Variants in SHC3 observed in about 807,000 individuals in gnomAD.
SHC3 encodes SHC-transforming protein 3.
SHC3 carries 15 observed loss-of-function variants against 60.4 expected under a neutral mutation model. That is an observed-to-expected ratio of 0.25 (90% CI 0.17 to 0.38). The LOEUF is 0.38. SHC3 is among the 10% of genes least tolerant of loss of function. The probability of loss-of-function intolerance (pLI) is 1.00; values close to 1 mark genes in which losing one functional copy is unlikely to be tolerated. For missense variants in SHC3, 677 were observed against 786.1 expected (o/e 0.86, Z 1.66); for synonymous variants, 294 against 325.9 (o/e 0.90, Z 1.05).
At chr9:89,019,037 C>T (rs1367445211) in intron 11 of SHC3, among the ~76,000 whole-genome samples, 11 of 147,008 alleles carry the variant, frequency 7.5e-5, no homozygotes, top group East Asian at 6.0e-4. Context: ...CCAGCCTGAG[C>T]GACAGAGCAA....
intron 2 of SHC3, among the ~76,000 whole-genome samples, chr9:89,094,550 CTAAG>C (rs1378522951): frequency 2.0e-5 from 3 of 152,196 alleles, no homozygotes; most frequent in African/African-American, 7.2e-5. Context: ...AGAGTGTTTA[CTAAG>C]TGTCTGGCCC....
intron 3 of SHC3, 122 bp downstream of exon 3, chr9:89,077,718 A>G: frequency 8.5e-7 from 1 of 1,180,556 alleles, no homozygotes; most frequent in Non-Finnish European, 1.2e-6. Context: ...TGCTTTTAGA[A>G]GTAGCAAGCG....
intron 1 of SHC3, among the ~76,000 whole-genome samples, chr9:89,177,392 GA>G (rs1398025870): frequency 6.6e-6 from 1 of 152,192 alleles, no homozygotes; most frequent in Non-Finnish European, 1.5e-5. Context: ...CTGTAAACCA[GA>G]ACCTTTCCTT....
chr9:89,116,239 G>A (rs929850168), intron 1 of SHC3, among the ~76,000 whole-genome samples: 1 of 152,186 alleles, frequency 6.6e-6, no homozygotes, highest in African/African-American at 2.4e-5. Context: ...ACGTCACCAT[G>A]TTATGAGACT....
At chr9:89,177,602 G>T (rs1272202580) in intron 1 of SHC3, among the ~76,000 whole-genome samples, 6 of 152,174 alleles carry the variant, frequency 3.9e-5, no homozygotes, top group African/African-American at 1.4e-4. Context: ...CTCCTCCCGG[G>T]GGCTGCCCAG....
At chr9:89,164,563 T>C (rs1031406684) in intron 1 of SHC3, among the ~76,000 whole-genome samples, 2 of 151,918 alleles carry the variant, frequency 1.3e-5, no homozygotes, top group African/African-American at 2.4e-5. Context: ...TAATAAGGAA[T>C]TTGGATTGAA....
chr9:89,092,202 T>C (rs771947863), intron 2 of SHC3, among the ~76,000 whole-genome samples: 1 of 152,106 alleles, frequency 6.6e-6, no homozygotes, highest in Non-Finnish European at 1.5e-5. Context: ...TGGAGTGTGG[T>C]TCAGCACAGA....
At chr9:89,022,212 C>G (rs915382442) in intron 11 of SHC3, among the ~76,000 whole-genome samples, 2 of 152,010 alleles carry the variant, frequency 1.3e-5, no homozygotes, top group Non-Finnish European at 2.9e-5. Flanking sequence ...ACTATTTAAA[C>G]ACTTTGGCGG....
intron 1 of SHC3, among the ~76,000 whole-genome samples, chr9:89,120,970 A>G (rs996851653): frequency 1.3e-5 from 2 of 152,068 alleles, no homozygotes; most frequent in African/African-American, 2.4e-5. Context: ...TTTGAGAAAC[A>G]TATAAAAACC....
rs12519 is a variant in SHC3, at chr9:89,013,167, T to C, written c.*280A>G. 102,529 of 229,854 alleles carry C rather than the reference T, an allele frequency of 0.45. 25,801 individuals are homozygous for C. The highest frequency in any genetic ancestry group is 0.81 in the East Asian group (8,824 of 10,954). The allele number at this position is 229,854 out of a possible 1,614,324, so 14.2% of individuals were successfully genotyped here. ...TTATTTTTTTTTTTCATTAAAAACA[T>C]ACAGCACAGAACATTAGTCTTACAT... On this transcript the variant is annotated 3_prime_UTR_variant, in exon 12 of 12. Transcript: ENST00000375835.
chr9:89,107,443 G>C (rs1228025782), intron 2 of SHC3, among the ~76,000 whole-genome samples: 1 of 152,212 alleles, frequency 6.6e-6, no homozygotes, highest in East Asian at 1.9e-4. Flanking sequence ...ATTCTAGCTG[G>C]TGTTAAAATC....
chr9:89,030,359 A>T (rs1234359623), intron 11 of SHC3, among the ~76,000 whole-genome samples: 3 of 152,224 alleles, frequency 2.0e-5, no homozygotes, highest in Non-Finnish European at 4.4e-5. Flanking sequence ...CTTGAGTACC[A>T]CCAGAAACCA....
At chr9:89,168,322 G>A (rs1826819807) in intron 1 of SHC3, among the ~76,000 whole-genome samples, 1 of 152,088 alleles carries the variant, frequency 6.6e-6, no homozygotes, top group South Asian at 2.1e-4. Context: ...AAAATTAGCT[G>A]AGCGTGGTGA....
At position 89,178,739 on chromosome 9, in the gene SHC3, G is replaced by A; in HGVS notation, c.-279C>T. 3.1e-6 allele frequency: 1 copy of A among 323,902 alleles called. No individual in the cohort carries two copies. Among genetic ancestry groups the A allele is most frequent in the Non-Finnish European group, 5.6e-6 (1 of 177,340 alleles). 20.1% of individuals were successfully genotyped at this position (323,902 alleles called of 1,614,324 possible). ...ATAGTTGCCTCTGATGGAGCGCCCA[G>A]CTGCTTGGGGCTGCTCACAGCAAAA... On this transcript the variant is annotated 5_prime_UTR_variant, in exon 1 of 12. Coordinates refer to ENST00000375835, the MANE Select transcript of SHC3 (RefSeq NM_016848.6). This position sits in a 1 kb window ranked among gnomAD's most constrained non-coding sequence, Gnocchi z 6.9.
At chr9:89,131,589 C>G (rs1313613558) in intron 1 of SHC3, among the ~76,000 whole-genome samples, 2 of 152,174 alleles carry the variant, frequency 1.3e-5, no homozygotes, top group East Asian at 3.8e-4. Flanking sequence ...CCCCAGGACG[C>G]AAGGCTGGTA....
intron 1 of SHC3, among the ~76,000 whole-genome samples, chr9:89,173,281 A>C (rs1172238725): frequency 6.6e-6 from 1 of 152,266 alleles, no homozygotes; most frequent in Non-Finnish European, 1.5e-5. Context: ...GCAGGCCAGC[A>C]GCACCGGCAC....
intron 1 of SHC3, among the ~76,000 whole-genome samples, chr9:89,122,680 G>A (rs925204321): frequency 6.6e-6 from 1 of 152,206 alleles, no homozygotes; most frequent in African/African-American, 2.4e-5. Flanking sequence ...CAGATTCATG[G>A]GAAAGGGCCA....
chr9:89,037,616 A>C, intron 11 of SHC3: 1 of 689,814 alleles, frequency 1.4e-6, no homozygotes, highest in East Asian at 2.7e-5. Flanking sequence ...TCAGTGATTC[A>C]ACTTTTCGAG....
intron 10 of SHC3, among the ~76,000 whole-genome samples, chr9:89,039,718 C>T (rs1317947526): frequency 6.6e-6 from 1 of 151,968 alleles, no homozygotes; most frequent in Non-Finnish European, 1.5e-5. Flanking sequence ...CCATCACTGT[C>T]ACTACCAGCA....
Sources: allele counts gnomAD v4.1 joint callset (sites outside exome capture counted in the v4.1 genomes callset), GRCh38; gene constraint gnomAD v4.1.1; non-coding constraint Gnocchi (gnomAD v3.1); transcripts MANE v1.5; gene names NCBI Gene and HGNC (gene_info 2026-07-23, HGNC 2026-07-21).